The following DCLK1 variants were observed in gnomAD, a reference collection of about 807,000 sequenced individuals.
The protein encoded by DCLK1 is doublecortin like kinase 1, also known as serine/threonine-protein kinase DCLK1.
A neutral mutation model predicts 86.2 loss-of-function variants in DCLK1; 16 were observed. That is an observed-to-expected ratio of 0.19 (90% CI 0.13 to 0.28). The LOEUF is 0.28. DCLK1 is among the 10% of genes least tolerant of loss of function. DCLK1 has a pLI of 1.00. For synonymous variants in DCLK1, 369 were observed against 370.5 expected (o/e 1.00, Z 0.05); for missense variants, 590 against 940.2 (o/e 0.63, Z 4.87).
At chr13:35,965,015 G>A (rs758600875) in intron 3 of DCLK1, among the ~76,000 whole-genome samples, 6 of 152,080 alleles carry the variant, frequency 3.9e-5, no homozygotes, top group African/African-American at 1.2e-4. Flanking sequence ...TTCAGAAAAC[G>A]TTTGCTGACC....
In DCLK1 at chr13:36,113,839, A is replaced by G. The variant is rs142164783; in HGVS notation, c.377-1624T>C. Among the ~76,000 whole-genome samples the G allele has an allele frequency of 4.5e-4, 68 of 152,336 alleles. No homozygotes were observed. In the East Asian group the frequency reaches 9.7e-3, roughly 22 times the overall value. ...ACCCTAATCGTGCAGTAAGCCTGAA[A>G]GAAAAATTCAAAAACAAAATTACTA... On this transcript the variant is annotated intron_variant, in intron 2 of 16. Coordinates refer to ENST00000360631, the MANE Select transcript of DCLK1 (RefSeq NM_001330071.2).
chr13:36,103,009 C>T (rs1203483233), intron 3 of DCLK1, among the ~76,000 whole-genome samples: 2 of 152,190 alleles, frequency 1.3e-5, no homozygotes, highest in African/African-American at 4.8e-5. Context: ...AATGTGCAGA[C>T]TCATGTGAAG....
At chr13:36,099,038 G>A (rs963685233) in intron 3 of DCLK1, among the ~76,000 whole-genome samples, 1 of 151,558 alleles carries the variant, frequency 6.6e-6, no homozygotes, top group Non-Finnish European at 1.5e-5. Flanking sequence ...CGCGATCAAA[G>A]CTCACTGCAA....
chr13:36,007,759 A>G (rs1390455386), intron 3 of DCLK1, among the ~76,000 whole-genome samples: 1 of 152,220 alleles, frequency 6.6e-6, no homozygotes, highest in African/African-American at 2.4e-5. Flanking sequence ...ATAAATCTAT[A>G]AGCCATTGCT....
chr13:36,000,068 C>G (rs1177750561), intron 3 of DCLK1, among the ~76,000 whole-genome samples: 1 of 152,096 alleles, frequency 6.6e-6, no homozygotes, highest in Non-Finnish European at 1.5e-5. Context: ...GCCTTTCCCC[C>G]ACTTCACCCC....
chr13:35,884,170 G>A (rs1873088823), intron 4 of DCLK1, among the ~76,000 whole-genome samples: 1 of 152,050 alleles, frequency 6.6e-6, no homozygotes, highest in African/African-American at 2.4e-5. Flanking sequence ...CAGAGGTTCA[G>A]GGTTTGAAGT....
intron 15 of DCLK1, among the ~76,000 whole-genome samples, chr13:35,797,690 C>T (rs1593599531): frequency 6.6e-6 from 1 of 151,898 alleles, no homozygotes; most frequent in East Asian, 1.9e-4. Context: ...CACCCCATGA[C>T]AATGAAAAAG....
chr13:36,021,193 T>TGATAATTGTATTCCTCGGGA (rs1390227925), intron 3 of DCLK1, among the ~76,000 whole-genome samples: 7 of 151,680 alleles, frequency 4.6e-5, no homozygotes, highest in Non-Finnish European at 8.8e-5. Flanking sequence ...CCAAACTAGA[T>TGATAATTGTATTCCTCGGGA]TGTCTTATGA....
chr13:36,109,684 A>G (rs1887075), intron 3 of DCLK1, among the ~76,000 whole-genome samples: 6,457 of 152,288 alleles, frequency 0.042, 163 homozygotes, highest in African/African-American at 0.075. Context: ...TCTGTGTTTC[A>G]CTGATGAGGA....
At position 35,967,076 on chromosome 13, in the gene DCLK1, C is replaced by A. The variant is rs554666403; in HGVS notation, c.724-19619G>T. Among the ~76,000 whole-genome samples, 52 of 151,806 alleles carry A rather than the reference C, an allele frequency of 3.4e-4. No homozygotes were observed. In the East Asian group the frequency reaches 6.1e-3, roughly 18 times the overall value. On this transcript the variant is annotated intron_variant, in intron 3 of 16. Transcript: ENST00000360631. ...GAAGTGAGGAGCGTCTCTGCCCGGCCGCCCATCGTCTGGGATGTGGGGAGC... is the reference window on the plus strand; with the variant it reads ...GAAGTGAGGAGCGTCTCTGCCCGGCAGCCCATCGTCTGGGATGTGGGGAGC...
intron 3 of DCLK1, among the ~76,000 whole-genome samples, chr13:35,970,137 C>G (rs1372406317): frequency 1.3e-5 from 2 of 152,070 alleles, no homozygotes; most frequent in Non-Finnish European, 2.9e-5. Flanking sequence ...ATTAAGGGAC[C>G]GAGACCCTCA....
rs1474419616 is a variant in DCLK1 at position 36,045,619 on chromosome 13, A to C, written c.723+66250T>G. On this transcript the variant is annotated intron_variant, in intron 3 of 16. Transcript: ENST00000360631. Reference sequence around the variant, plus strand: ...ATAATCCCAGCACTTTAGGAGCCCAAGGCTGGCAGATCACTTGAGGTCAGG... The same window carrying C: ...ATAATCCCAGCACTTTAGGAGCCCACGGCTGGCAGATCACTTGAGGTCAGG... Among the ~76,000 whole-genome samples, 13 of 152,048 alleles carry C rather than the reference A, an allele frequency of 8.5e-5. No homozygotes were observed. The South Asian group carries it at 2.3e-3, about 27-fold the overall frequency.
At chr13:36,046,374 A>G (rs1193460403) in intron 3 of DCLK1, among the ~76,000 whole-genome samples, 5 of 152,252 alleles carry the variant, frequency 3.3e-5, no homozygotes. Context: ...CAATTTTATG[A>G]CTGTGATTTA....
intron 3 of DCLK1, among the ~76,000 whole-genome samples, chr13:35,950,110 C>T (rs913650665): frequency 6.6e-6 from 1 of 152,202 alleles, no homozygotes; most frequent in Non-Finnish European, 1.5e-5. Flanking sequence ...CTTTCCTGCT[C>T]ACAACTTCCC....
intron 3 of DCLK1, among the ~76,000 whole-genome samples, chr13:36,105,132 G>A (rs1433314684): frequency 6.6e-6 from 1 of 152,160 alleles, no homozygotes; most frequent in East Asian, 1.9e-4. Flanking sequence ...CACTACTAAT[G>A]AGTATTCAAG....
chr13:36,019,540 C>T (rs746300492), intron 3 of DCLK1, among the ~76,000 whole-genome samples: 5 of 152,170 alleles, frequency 3.3e-5, no homozygotes, highest in Non-Finnish European at 7.3e-5. Context: ...TAATAATGAC[C>T]TCACTTCTTT....
At position 35,822,821 on chromosome 13, in the gene DCLK1, C is replaced by T. The variant is rs758996166; in HGVS notation, c.1462G>A (p.Ala488Thr). The change falls in exon 11 of 17, where the codon GCC becomes ACC. Residue 488 changes from alanine to threonine, a missense_variant. Ala to Thr is a moderately conservative substitution (Grantham distance 58, BLOSUM62 0). Around this residue, in one of 6 missense-constraint regions of DCLK1, gnomAD observed 108 missense variants for 195.7 expected, o/e 0.55. Transcript: ENST00000360631. ...TSTNKYTERDASGMLYNLASA... is the reference protein window; with the variant it reads ...TSTNKYTERDTSGMLYNLASA... ...GCTAGGTTGTACAGCATCCCACTGG[C>T]GTCTCTCTCGGTGTATTTGTTAGTG... 3.1e-6 allele frequency: 5 copies of T among 1,613,666 alleles called. No homozygotes were observed. The highest frequency in any genetic ancestry group is 4.2e-6 in the Non-Finnish European group (5 of 1,179,952).
intron 1 of DCLK1, among the ~76,000 whole-genome samples, chr13:36,130,699 C>T (rs1311023567): frequency 6.6e-6 from 1 of 152,150 alleles, no homozygotes; most frequent in African/African-American, 2.4e-5. Context: ...GAAAAGCACA[C>T]ACACAATAAG....
intron 3 of DCLK1, among the ~76,000 whole-genome samples, chr13:36,069,496 T>A (rs926009923): frequency 6.6e-6 from 1 of 152,218 alleles, no homozygotes; most frequent in African/African-American, 2.4e-5. Flanking sequence ...AAAGCAACAA[T>A]GCTTGCTCAT....
Sources: gnomAD v4.1 joint callset for allele counts (sites outside exome capture counted in the v4.1 genomes callset) on GRCh38, gnomAD v4.1.1 for gene constraint, gnomAD v4.1.1 regional missense constraint, MANE v1.5 for transcripts, NCBI Gene and HGNC (gene_info 2026-07-23, HGNC 2026-07-21) for gene names.